Variants in CTXND1 observed in about 807,000 individuals in gnomAD.
The protein encoded by CTXND1 is cortexin domain-containing 1 protein.
intron 1 of CTXND1, among the ~76,000 whole-genome samples, chr15:80,215,395 G>A (rs1893242809): frequency 6.6e-6 from 1 of 152,182 alleles, no homozygotes; most frequent in South Asian, 2.1e-4. Context: ...TATGATGAAA[G>A]AAGTCCCCAA....
intron 1 of CTXND1, among the ~76,000 whole-genome samples, chr15:80,239,833 T>C (rs1025356478): frequency 1.3e-5 from 2 of 152,212 alleles, no homozygotes; most frequent in Non-Finnish European, 2.9e-5. Flanking sequence ...CTCCTTGTGA[T>C]GTCTATGGTA....
At chr15:80,245,602 T>C (rs1368577735) in intron 1 of CTXND1, among the ~76,000 whole-genome samples, 3 of 152,138 alleles carry the variant, frequency 2.0e-5, no homozygotes, top group Admixed American at 1.3e-4. Flanking sequence ...ATTTTATACA[T>C]TGAGGCAGCC....
intron 1 of CTXND1, among the ~76,000 whole-genome samples, chr15:80,248,681 G>A (rs188261168): frequency 1.4e-4 from 22 of 152,298 alleles, no homozygotes; most frequent in East Asian, 7.7e-4. Context: ...AGGGAGCTCC[G>A]TCTGAGTCAA....
At chr15:80,216,915 C>T (rs1051714598) in intron 1 of CTXND1, among the ~76,000 whole-genome samples, 1 of 152,034 alleles carries the variant, frequency 6.6e-6, no homozygotes, top group African/African-American at 2.4e-5. Flanking sequence ...GTGCCTGGCC[C>T]CTTCCATTAT....
At chr15:80,245,315 AT>A (rs1893616636) in intron 1 of CTXND1, among the ~76,000 whole-genome samples, 1 of 152,284 alleles carries the variant, frequency 6.6e-6, no homozygotes, top group Non-Finnish European at 1.5e-5. Flanking sequence ...ATCGAGACTG[AT>A]GTAAACACTG....
At chr15:80,235,626 T>A (rs995399803) in intron 1 of CTXND1, among the ~76,000 whole-genome samples, 1 of 152,098 alleles carries the variant, frequency 6.6e-6, no homozygotes, top group Non-Finnish European at 1.5e-5. Context: ...CAGTTGGACA[T>A]CTTCACTGGG....
At chr15:80,221,691 T>C (rs985390002) in intron 1 of CTXND1, among the ~76,000 whole-genome samples, 2 of 152,194 alleles carry the variant, frequency 1.3e-5, no homozygotes, top group Non-Finnish European at 2.9e-5. Context: ...AAGGTGACAG[T>C]TTAGTAAATT....
chr15:80,235,205 G>T (rs542328214), intron 1 of CTXND1, among the ~76,000 whole-genome samples: 6 of 152,178 alleles, frequency 3.9e-5, no homozygotes, highest in African/African-American at 1.4e-4. Context: ...GGCCTCCTGT[G>T]TTCCTCTGTT....
At chr15:80,246,761 T>G (rs771854006) in intron 1 of CTXND1, among the ~76,000 whole-genome samples, 12 of 152,240 alleles carry the variant, frequency 7.9e-5, no homozygotes, top group Non-Finnish European at 1.5e-4. Flanking sequence ...ATAGAGTTTG[T>G]TTAAAAATGT....
intron 1 of CTXND1, among the ~76,000 whole-genome samples, chr15:80,242,275 T>C (rs1015561238): frequency 2.0e-5 from 3 of 152,232 alleles, no homozygotes; most frequent in Non-Finnish European, 4.4e-5. Context: ...CTTTCAGGAC[T>C]TGATGGCAAG....
rs35359063 is a variant in CTXND1, at chr15:80,204,647, G to GTATATATATATATATATATATA, written c.-217-929_-217-908dup. 9.1e-4 allele frequency among the ~76,000 whole-genome samples: 120 copies of GTATATATATATATATATATATA among 131,322 alleles called. 1 individual carries two copies. Among genetic ancestry groups the GTATATATATATATATATATATA allele is most frequent in the African/African-American group, 3.1e-3 (105 of 34,334 alleles). 86.2% of individuals were successfully genotyped at this position (131,322 alleles called of 152,430 possible). On this transcript the variant is annotated intron_variant, in intron 1 of 2. Coordinates refer to ENST00000560778, the MANE Select transcript of CTXND1 (RefSeq NM_001352888.2). ...TTTAAGGTCCGAATAATATTCCATT[G>GTATATATATATATATATATATA]TATATATATATATATATATATATAT...
At chr15:80,202,906 T>C (rs538279585) in intron 2 of CTXND1, among the ~76,000 whole-genome samples, 2 of 152,202 alleles carry the variant, frequency 1.3e-5, no homozygotes, top group South Asian at 4.1e-4. Context: ...CTCTCAATTA[T>C]TGTTAGGACT....
chr15:80,248,230 C>T (rs559097995), intron 1 of CTXND1, among the ~76,000 whole-genome samples: 90 of 152,310 alleles, frequency 5.9e-4, no homozygotes, highest in African/African-American at 2.1e-3. Context: ...ATACCTGATT[C>T]GATGCAGGCA....
At chr15:80,242,400 A>G (rs1178870351) in intron 1 of CTXND1, among the ~76,000 whole-genome samples, 2 of 152,234 alleles carry the variant, frequency 1.3e-5, no homozygotes, top group Non-Finnish European at 2.9e-5. Context: ...CAGGAAGGGG[A>G]GGCAGAGATA....
intron 1 of CTXND1, among the ~76,000 whole-genome samples, chr15:80,210,911 G>A (rs771495311): frequency 6.6e-6 from 1 of 152,178 alleles, no homozygotes; most frequent in Non-Finnish European, 1.5e-5. Context: ...CTAGGTAGGT[G>A]AGTCTTCTTG....
At chr15:80,209,320 G>A (rs1043251554) in intron 1 of CTXND1, among the ~76,000 whole-genome samples, 33 of 152,254 alleles carry the variant, frequency 2.2e-4, no homozygotes, top group African/African-American at 8.0e-4. Flanking sequence ...ATATCCAGGA[G>A]AGAAGGCAAC....
intron 1 of CTXND1, among the ~76,000 whole-genome samples, chr15:80,251,710 C>T (rs1481098298): frequency 1.3e-5 from 2 of 152,102 alleles, no homozygotes; most frequent in Non-Finnish European, 1.5e-5. Flanking sequence ...GGAACTCGGG[C>T]CGCTGCGACG....
chr15:80,224,781 T>C (rs1893355216), intron 1 of CTXND1, among the ~76,000 whole-genome samples: 1 of 152,226 alleles, frequency 6.6e-6, no homozygotes, highest in South Asian at 2.1e-4. Context: ...TCTCACTGTG[T>C]CACCCAGGCT....
At chr15:80,235,389 C>G (rs189552571) in intron 1 of CTXND1, among the ~76,000 whole-genome samples, 4 of 152,204 alleles carry the variant, frequency 2.6e-5, no homozygotes, top group Non-Finnish European at 5.9e-5. Context: ...GAGGTGCACA[C>G]GTGGCCCTGG....
Sources: allele counts gnomAD v4.1 joint callset (sites outside exome capture counted in the v4.1 genomes callset), GRCh38; gene constraint gnomAD v4.1.1; transcripts MANE v1.5; gene names NCBI Gene and HGNC (gene_info 2026-07-23, HGNC 2026-07-21).